MUC21: variants seen among roughly 807,000 people sequenced by gnomAD.
MUC21 encodes the protein mucin-21.
In MUC21, 8 loss-of-function variants were observed where a neutral mutation model predicts 9.1. The ratio of observed to expected loss-of-function variants is 0.88; its 90% confidence interval spans 0.52 to 1.59. The LOEUF is 1.59. MUC21 is among the 40% of genes most tolerant of loss of function. MUC21 has a pLI of 0.00. For synonymous variants in MUC21, 189 were observed against 275.2 expected (o/e 0.69, Z 3.10); for missense variants, 478 against 694.2 (o/e 0.69, Z 3.50).
At position 30,987,868 on chromosome 6, in the gene MUC21, A is replaced by C. The variant is rs1322684547; in HGVS notation, c.1507-132A>C. 23 of 1,130,880 alleles carry C rather than the reference A, an allele frequency of 2.0e-5. 1 individual carries two copies. The Admixed American group carries it at 5.7e-4, about 28-fold the overall frequency. The allele number at this position is 1,130,880 out of a possible 1,614,324, so 70.1% of individuals were successfully genotyped here. On this transcript the variant is annotated intron_variant, in intron 2 of 2. Transcript: ENST00000376296. Reference sequence around the variant, plus strand: ...CTGACCTGCGGGAAAAGGGGGCCACAGAAAGGACTGGAGAAAGGAGAACTA... The same window carrying C: ...CTGACCTGCGGGAAAAGGGGGCCACCGAAAGGACTGGAGAAAGGAGAACTA...
intron 1 of MUC21, 155 bp downstream of exon 1, chr6:30,984,174 G>A: frequency 1.2e-5 from 7 of 585,852 alleles, no homozygotes; most frequent in South Asian, 4.5e-5. Flanking sequence ...ATGTCATGCA[G>A]GAAGCAGTCA....
In MUC21 at chr6:30,985,359, T is replaced by G. The variant is rs1404322075; in HGVS notation, c.62-878T>G. Among the ~76,000 whole-genome samples, 7 of 152,200 alleles carry G rather than the reference T, an allele frequency of 4.6e-5. No individual in the cohort carries two copies. In the East Asian group the frequency reaches 1.3e-3, roughly 29 times the overall value. On this transcript the variant is annotated intron_variant, in intron 1 of 2. Transcript: ENST00000376296. ...GAATGCATATAGTCACCTGGCTTCT[T>G]GTTGTACATGCAGACTCCTGGGCCC... is the stretch of plus-strand genomic sequence containing the variant.
Position 30,983,781 on chromosome 6 carries a change from G to T in MUC21, c.-178G>T, listed in dbSNP as rs73727148. On this transcript the variant is annotated 5_prime_UTR_variant, in exon 1 of 3. Coordinates refer to ENST00000376296, the MANE Select transcript of MUC21 (RefSeq NM_001010909.5). ...GGAACCCAGGCATCCAGCTGCCCACGCCTGAGTCCAAGATTCTTCCCAGGA... is the reference window on the plus strand; with the variant it reads ...GGAACCCAGGCATCCAGCTGCCCACTCCTGAGTCCAAGATTCTTCCCAGGA... 17,878 of 515,132 alleles carry T rather than the reference G, an allele frequency of 0.035. 663 individuals carry two copies. Among genetic ancestry groups the T allele is most frequent in the East Asian group, 0.13 (4,235 of 31,648 alleles). 31.9% of individuals were successfully genotyped at this position (515,132 alleles called of 1,614,324 possible). A position where few individuals can be genotyped will look rare whatever the true frequency, so the allele number is the denominator to read the frequency against.
chr6:30,986,560 T>G lies in MUC21; in HGVS notation c.385T>G (p.Ser129Ala). The G allele has an allele frequency of 1.3e-6, 2 of 1,576,376 alleles. No individual in the cohort carries two copies. Among genetic ancestry groups the G allele is most frequent in the Non-Finnish European group, 1.7e-6 (2 of 1,158,824 alleles). ...CACCAACTCTGAGTCCAGCACACCC[T>G]CCAGTGGGGCCAGCACAGCCACCAA... ...TATNSESSTP[S>A]SGASTATNSD... Residue 129 changes from serine to alanine, a missense_variant, in exon 2 of 3, where the codon TCC becomes GCC. Coordinates refer to ENST00000376296, the MANE Select transcript of MUC21 (RefSeq NM_001010909.5).
chr6:30,987,877 T>C (rs2150693864), intron 2 of MUC21, 123 bp from the exon 3 acceptor site: 1 of 1,100,684 alleles, frequency 9.1e-7, no homozygotes, highest in African/African-American at 1.6e-5. Context: ...CAGAAAGGAC[T>C]GGAGAAAGGA....
Position 30,987,630 on chromosome 6 carries a change from G to A in MUC21, c.1455G>A (p.Leu485=). 2 of 1,614,252 alleles carry A rather than the reference G, an allele frequency of 1.2e-6. No individual in the cohort carries two copies. Among genetic ancestry groups the A allele is most frequent in the Non-Finnish European group, 1.7e-6 (2 of 1,180,050 alleles). The change falls in exon 2 of 3, where the codon CTG becomes CTA. Residue 485 remains leucine, a synonymous_variant. Transcript: ENST00000376296. ...LVPWEIFLIT[L]VSVVAAVGLF... is the part of the protein sequence containing the mutation. ...CGTGGGAAATCTTCCTCATCACCCTGGTCTCGGTTGTGGCGGCCGTGGGGC... is the reference window on the plus strand; with the variant it reads ...CGTGGGAAATCTTCCTCATCACCCTAGTCTCGGTTGTGGCGGCCGTGGGGC...
rs1292036340 is a variant in MUC21 at position 30,983,738 on chromosome 6, T to C, written c.-221T>C. On this transcript the variant is annotated 5_prime_UTR_variant, in exon 1 of 3. Transcript: ENST00000376296. ...ACAACAGAGAAAGAGGCAACTACAT[T>C]GCCTGGAGGAAGCCTAAGGAACCCA... The C allele has an allele frequency of 4.2e-6, 2 of 477,598 alleles. No homozygotes were observed. The highest frequency in any genetic ancestry group is 3.7e-6 in the Non-Finnish European group (1 of 272,260). The allele number at this position is 477,598 out of a possible 1,614,324, so 29.6% of individuals were successfully genotyped here. A position where few individuals can be genotyped will look rare whatever the true frequency, so the allele number is the denominator to read the frequency against.
At chr6:30,985,992 C>A (rs2523928) in intron 1 of MUC21, among the ~76,000 whole-genome samples, 138 of 152,114 alleles carry the variant, frequency 9.1e-4, no homozygotes, top group African/African-American at 3.3e-3. Context: ...CTCGAACTCC[C>A]AACCTCAGGT....
At position 30,987,132 on chromosome 6, in the gene MUC21, C is replaced by T. The variant is rs9262380; in HGVS notation, c.957C>T (p.Asp319=). ...GGGCCAACACAGCCACCAACTCTGACTCCAGCACAACCTCCAGTGGGGCCA... is the reference window on the plus strand; with the variant it reads ...GGGCCAACACAGCCACCAACTCTGATTCCAGCACAACCTCCAGTGGGGCCA... ...SSGANTATNS[D]SSTTSSGAST... Residue 319 remains aspartate (D), a synonymous_variant, in exon 2 of 3, where the codon GAC becomes GAT. Transcript: ENST00000376296. 3 of 1,120,736 alleles carry T rather than the reference C, an allele frequency of 2.7e-6. No individual in the cohort carries two copies. The highest frequency in any genetic ancestry group is 3.4e-6 in the Non-Finnish European group (3 of 888,058). The allele number at this position is 1,120,736 out of a possible 1,614,324, so 69.4% of individuals were successfully genotyped here. A position where few individuals can be genotyped will look rare whatever the true frequency, so the allele number is the denominator to read the frequency against.
In MUC21 at chr6:30,986,387, G is replaced by A; in HGVS notation, c.212G>A (p.Gly71Glu). 2 of 1,612,138 alleles carry A rather than the reference G, an allele frequency of 1.2e-6. No homozygotes were observed. The highest frequency in any genetic ancestry group is 4.5e-5 in the East Asian group (2 of 44,646). The change falls in exon 2 of 3, where the codon GGG (glycine) becomes GAG (glutamate). Residue 71 changes from glycine (G) to glutamate (E), a missense_variant. This residue lies in a region of MUC21 where 110 missense variants were observed against 108.3 expected (regional missense o/e 1.02). Coordinates refer to ENST00000376296, the MANE Select transcript of MUC21 (RefSeq NM_001010909.5). The stretch of plus-strand genomic sequence containing the variant: ...TCAGGGTCCAGCGTGACCTCCAATG[G>A]GGTCAGCATAGTCACCAACTCTGAG... Reference protein sequence around the residue: ...TISGSSVTSNGVSIVTNSEFH... With the variant: ...TISGSSVTSNEVSIVTNSEFH...
rs41284503 is a variant in MUC21 at position 30,987,405 on chromosome 6, C to T, written c.1230C>T (p.Ser410=). 257 of 1,482,872 alleles carry T rather than the reference C, an allele frequency of 1.7e-4. 35 individuals carry two copies. The highest frequency in any genetic ancestry group is 4.1e-4 in the Admixed American group (20 of 49,292). The allele number at this position is 1,482,872 out of a possible 1,614,324, so 91.9% of individuals were successfully genotyped here. A position where few individuals can be genotyped will look rare whatever the true frequency, so the allele number is the denominator to read the frequency against. The part of the protein sequence containing the change: ...SGASTATNSE[S]STVSSGASTA... ...CCAGCACAGCCACCAACTCTGAGTC[C>T]AGCACAGTGTCCAGTGGGGCCAGCA... Residue 410 remains serine (S), a synonymous_variant, in exon 2 of 3, where the codon TCC becomes TCT. Coordinates refer to ENST00000376296, the MANE Select transcript of MUC21 (RefSeq NM_001010909.5).
At position 30,986,744 on chromosome 6, in the gene MUC21, G is replaced by C; in HGVS notation, c.569G>C (p.Ser190Thr). The part of the protein sequence containing the change: ...ATNSESSTVS[S>T]RASTATNSES... ...AACTCTGAGTCCAGCACAGTGTCCA[G>C]TAGGGCCAGCACTGCCACCAACTCT... Residue 190 changes from serine to threonine, a missense_variant, in exon 2 of 3, where the codon AGT becomes ACT. Physicochemically the swap from Ser to Thr is moderately conservative, Grantham distance 58. Transcript: ENST00000376296. 1 of 1,577,210 alleles carries C rather than the reference G, an allele frequency of 6.3e-7. No individual in the cohort carries two copies. The highest frequency in any genetic ancestry group is 8.6e-7 in the Non-Finnish European group (1 of 1,158,338).
intron 1 of MUC21, among the ~76,000 whole-genome samples, chr6:30,985,620 GA>G (rs1258850539): frequency 1.1e-4 from 16 of 152,098 alleles, no homozygotes; most frequent in African/African-American, 3.9e-4. Context: ...GCAGAATGTG[GA>G]AAAAGGTTAG....
In MUC21 at chr6:30,987,521, C is replaced by T. The variant is rs1554285725; in HGVS notation, c.1346C>T (p.Thr449Ile). The T allele has an allele frequency of 2.5e-6, 4 of 1,614,180 alleles. No homozygotes were observed. Among genetic ancestry groups the T allele is most frequent in the African/African-American group, 1.3e-5 (1 of 74,958 alleles). The change falls in exon 2 of 3, where the codon ACA becomes ATA. Residue 449 changes from threonine (T) to isoleucine (I), a missense_variant. Around this residue, in one of 5 missense-constraint regions of MUC21, gnomAD observed 158 missense variants for 192.6 expected, o/e 0.82. Coordinates refer to ENST00000376296, the MANE Select transcript of MUC21 (RefSeq NM_001010909.5). Reference protein sequence around the residue: ...GSSVTSAGSGTAALTGMHTTS... With the variant: ...GSSVTSAGSGIAALTGMHTTS... Reference sequence around the variant, plus strand: ...AGTGTGACCTCTGCAGGCTCTGGAACAGCAGCTCTGACTGGAATGCACACA... The same window carrying T: ...AGTGTGACCTCTGCAGGCTCTGGAATAGCAGCTCTGACTGGAATGCACACA...
In MUC21 at chr6:30,986,499, T is replaced by C. The variant is rs1290854067; in HGVS notation, c.324T>C (p.Ser108=). The C allele has an allele frequency of 7.0e-6, 11 of 1,582,118 alleles. No individual in the cohort carries two copies. Among genetic ancestry groups the C allele is most frequent in the Non-Finnish European group, 9.5e-6 (11 of 1,155,426 alleles). ...GTGGGATCAGCATAGCCACCAACTC[T>C]GAGTCCAGCACAACCTCCAGTGGGG... is the stretch of plus-strand genomic sequence containing the variant. The part of the protein sequence containing the change: ...VSSGISIATN[S]ESSTTSSGAS... The change falls in exon 2 of 3, where the codon TCT becomes TCC. Residue 108 remains serine (S), a synonymous_variant. Transcript: ENST00000376296.
intron 1 of MUC21, 95 bp from the exon 2 acceptor site, chr6:30,986,142 T>G (rs999693060): frequency 9.4e-7 from 1 of 1,058,526 alleles, no homozygotes. Flanking sequence ...AGCACCATAG[T>G]GAGCATTAAA....
In MUC21 at chr6:30,988,187, G is replaced by A. The variant is rs1762472111; in HGVS notation, c.1694G>A (p.Gly565Glu). ...ATGGAGATGAGCGGGAGGAACAGCG[G>A]GCCCTGAGCAGCCCCGGAAGCAAGT... is the stretch of plus-strand genomic sequence containing the variant. Reference protein sequence around the residue: ...IAMEMSGRNSGP With the variant: ...IAMEMSGRNSEP The change falls in exon 3 of 3, where the codon GGG (glycine) becomes GAG (glutamate). Residue 565 changes from glycine (G) to glutamate (E), a missense_variant. Around this residue, in one of 5 missense-constraint regions of MUC21, gnomAD observed 158 missense variants for 192.6 expected, o/e 0.82. Transcript: ENST00000376296. 1 of 1,610,048 alleles carries A rather than the reference G, an allele frequency of 6.2e-7. No individual in the cohort carries two copies. The highest frequency in any genetic ancestry group is 1.7e-5 in the Admixed American group (1 of 59,452).
chr6:30,986,714 C>T lies in MUC21; in HGVS notation c.539C>T (p.Ala180Val), dbSNP rs34126344. 37,773 of 1,460,750 alleles carry T rather than the reference C, an allele frequency of 0.026. 1,916 individuals are homozygous for T. The highest frequency in any genetic ancestry group is 0.099 in the East Asian group (3,985 of 40,280). 90.5% of individuals were successfully genotyped at this position (1,460,750 alleles called of 1,614,324 possible). A position where few individuals can be genotyped will look rare whatever the true frequency, so the allele number is the denominator to read the frequency against. ...SSTTSSGASTATNSESSTVSS... is the reference protein window; with the variant it reads ...SSTTSSGASTVTNSESSTVSS... Reference sequence around the variant, plus strand: ...ACAACCTCCAGTGGGGCCAGCACAGCCACCAACTCTGAGTCCAGCACAGTG... The same window carrying T: ...ACAACCTCCAGTGGGGCCAGCACAGTCACCAACTCTGAGTCCAGCACAGTG... The change falls in exon 2 of 3, where the codon GCC (alanine) becomes GTC (valine). Residue 180 changes from alanine to valine, a missense_variant. This residue lies in a region of MUC21 where 53 missense variants were observed against 139.1 expected (regional missense o/e 0.38). Transcript: ENST00000376296.
Position 30,988,258 on chromosome 6 carries a change from T to C in MUC21, c.*64T>C. On this transcript the variant is annotated 3_prime_UTR_variant, in exon 3 of 3. Transcript: ENST00000376296. ...AGAGACCTGGGCACCCAAGACCTGG[T>C]TTCCTTTCATTCATCCCAGGAGACC... The C allele has an allele frequency of 1.4e-6, 2 of 1,464,024 alleles. No homozygotes were observed. The highest frequency in any genetic ancestry group is 1.8e-6 in the Non-Finnish European group (2 of 1,093,502). The allele number at this position is 1,464,024 out of a possible 1,614,324, so 90.7% of individuals were successfully genotyped here.
Sources: gnomAD v4.1 joint callset for allele counts (sites outside exome capture counted in the v4.1 genomes callset) on GRCh38, gnomAD v4.1.1 for gene constraint, gnomAD v4.1.1 regional missense constraint, MANE v1.5 for transcripts, NCBI Gene and HGNC (gene_info 2026-07-23, HGNC 2026-07-21) for gene names.